FBLN1: variants seen among roughly 807,000 people sequenced by gnomAD.
FBLN1 encodes fibulin 1.
A neutral mutation model predicts 89.7 loss-of-function variants in FBLN1; 34 were observed. The ratio of observed to expected loss-of-function variants is 0.38; its 90% CI spans 0.29 to 0.50. FBLN1 has a LOEUF of 0.50. Ranked by LOEUF, FBLN1 falls within the 20% of genes least tolerant of loss-of-function variation. FBLN1 has a pLI of 0.92. For synonymous variants in FBLN1, 393 were observed against 391.3 expected, an observed-to-expected ratio of 1.00 and a Z score of -0.05; for missense variants, 777 against 988.1, an observed-to-expected ratio of 0.79 and a Z score of 2.86.
At chr22:45,594,047 A>G (rs371099531) in intron 16 of FBLN1, among the ~76,000 whole-genome samples, 12 of 152,204 alleles carry the variant, frequency 7.9e-5, no homozygotes, top group East Asian at 7.7e-4. Flanking sequence ...GAAGACTTCT[A>G]TGAAGCATTC....
At chr22:45,567,960 A>G (rs1384747531) in intron 14 of FBLN1, among the ~76,000 whole-genome samples, 1 of 152,106 alleles carries the variant, frequency 6.6e-6, no homozygotes, top group Non-Finnish European at 1.5e-5. Context: ...GGGAGGGAGG[A>G]AGGGGCTGGC....
chr22:45,568,416 T>C (rs1188140378), intron 14 of FBLN1, among the ~76,000 whole-genome samples: 1 of 147,094 alleles, frequency 6.8e-6, no homozygotes. Context: ...GGAGTGCTCT[T>C]TCTGTAGGGG....
rs761373665 is a variant in FBLN1, at chr22:45,600,414, G to A, written c.2080G>A (p.Val694Ile). 7.9e-5 allele frequency: 128 copies of A among 1,614,184 alleles called. No individual in the cohort carries two copies. The Middle Eastern group carries it at 9.9e-4, about 12-fold the overall frequency. The change falls in exon 17 of 17, where the codon GTC (valine) becomes ATC (isoleucine). Residue 694 changes from valine (V) to isoleucine (I), a missense_variant. Physicochemically the swap from Val to Ile is conservative, Grantham distance 29. Transcript: ENST00000327858. ...GVVSHRNVVN[V>I]HIFVSEYWF ...GGTCTCCCACCGAAATGTTGTCAAC[G>A]TCCACATCTTCGTCTCTGAGTACTG... is the stretch of plus-strand genomic sequence containing the variant.
rs2088847605 is a variant in FBLN1, at chr22:45,561,237, C to T, written c.1697+10622C>T. The stretch of plus-strand genomic sequence containing the variant: ...ATAAGAGCTTGTGTCTGTTTTTCCA[C>T]AATTTCAGCTCTTCCTCTACAGGAG... On this transcript the variant is annotated intron_variant, in intron 14 of 16. Transcript: ENST00000327858. The surrounding 1 kb of genome is among the most constrained non-coding windows in gnomAD (Gnocchi z 4.7). Among the ~76,000 whole-genome samples, 1 of 152,214 alleles carries T rather than the reference C, an allele frequency of 6.6e-6. No individual in the cohort carries two copies. The highest frequency in any genetic ancestry group is 2.1e-4 in the South Asian group (1 of 4,836).
At chr22:45,555,374 G>A (rs1215467340) in intron 14 of FBLN1, among the ~76,000 whole-genome samples, 2 of 151,340 alleles carry the variant, frequency 1.3e-5, no homozygotes, top group African/African-American at 4.9e-5. Flanking sequence ...CCCACAATAG[G>A]CCATCTCCAG....
At position 45,583,912 on chromosome 22, in the gene FBLN1, G is replaced by C. The variant is rs1239302343; in HGVS notation, c.1972+6804G>C. Among the ~76,000 whole-genome samples, 1 of 152,206 alleles carries C rather than the reference G, an allele frequency of 6.6e-6. No individual in the cohort carries two copies. The highest frequency in any genetic ancestry group is 2.4e-5 in the African/African-American group (1 of 41,448). On this transcript the variant is annotated intron_variant, in intron 16 of 16. Transcript: ENST00000327858. This position sits in a 1 kb window ranked among gnomAD's most constrained non-coding sequence, Gnocchi z 4.5. Reference sequence around the variant, plus strand: ...AATTCTAACTGGGGGGCTTGGAGCAGGCAGGAGTTCCCTGAGGTCATGCGG... The same window carrying C: ...AATTCTAACTGGGGGGCTTGGAGCACGCAGGAGTTCCCTGAGGTCATGCGG...
rs759407945 is a variant in FBLN1, at chr22:45,533,140, C to T, written c.622C>T (p.Leu208=). The change falls in exon 6 of 17, where the codon CTG becomes TTG. Residue 208 remains leucine (L), a synonymous_variant. Transcript: ENST00000327858. ...CTCCTGCTTCGTGGGCTACCAGCTG[C>T]TGTCTGATGGTGTCTCCTGTGAAGG... ...VCSCFVGYQL[L]SDGVSCEDVN... 1.2e-6 allele frequency: 2 copies of T among 1,614,100 alleles called. No homozygotes were observed. The highest frequency in any genetic ancestry group is 8.5e-7 in the Non-Finnish European group (1 of 1,179,924).
At position 45,503,051 on chromosome 22, in the gene FBLN1, G is replaced by T; in HGVS notation, c.66G>T (p.Leu22=). The T allele has an allele frequency of 8.0e-7, 1 of 1,248,238 alleles. No individual in the cohort carries two copies. The allele number at this position is 1,248,238 out of a possible 1,614,324, so 77.3% of individuals were successfully genotyped here. A position where few individuals can be genotyped will look rare whatever the true frequency, so the allele number is the denominator to read the frequency against. ...LPLLLLGGLA[L]LAAGVDADVL... is the part of the protein sequence containing the mutation. ...TGCTGCTGCTCGGCGGCCTTGCGCT[G>T]CTGGCGGCCGGAGGTAGGGGCGTCC... The change falls in exon 1 of 17, where the codon CTG becomes CTT. Residue 22 remains leucine (L), a synonymous_variant. Transcript: ENST00000327858.
chr22:45,578,693 C>T lies in FBLN1; in HGVS notation c.1972+1585C>T, dbSNP rs1036221924. The stretch of plus-strand genomic sequence containing the variant: ...CTGACACTGGCCCACAGCCGCCCCC[C>T]GCCCCAAAGGGGCCAGCCCTGTGCT... On this transcript the variant is annotated intron_variant, in intron 16 of 16. Coordinates refer to ENST00000327858, the MANE Select transcript of FBLN1 (RefSeq NM_006486.3). This position sits in a 1 kb window ranked among gnomAD's most constrained non-coding sequence, Gnocchi z 4.6. 2.6e-5 allele frequency among the ~76,000 whole-genome samples: 4 copies of T among 152,234 alleles called. No homozygotes were observed. Among genetic ancestry groups the T allele is most frequent in the African/African-American group, 7.2e-5 (3 of 41,474 alleles).
intron 2 of FBLN1, among the ~76,000 whole-genome samples, chr22:45,523,453 A>G (rs929700119): frequency 2.0e-5 from 3 of 152,162 alleles, no homozygotes; most frequent in African/African-American, 4.8e-5. Flanking sequence ...CTATAATCCC[A>G]CCACTTCGGG....
chr22:45,527,877 G>A lies in FBLN1; in HGVS notation c.352G>A (p.Ala118Thr). ...RCCHCCLLGR[A>T]AQAQGQSCEY... Reference sequence around the variant, plus strand: ...CTGCCATTGCTGTCTGCTGGGGAGGGCGGCCCAGGCCCAGGGCCAGAGCTG... The same window carrying A: ...CTGCCATTGCTGTCTGCTGGGGAGGACGGCCCAGGCCCAGGGCCAGAGCTG... Residue 118 changes from alanine (A) to threonine (T), a missense_variant, in exon 4 of 17, where the codon GCG becomes ACG. Physicochemically the swap from Ala to Thr is moderately conservative, Grantham distance 58 (BLOSUM62 0). Transcript: ENST00000327858. The A allele has an allele frequency of 6.2e-7, 1 of 1,614,096 alleles. No homozygotes were observed. The highest frequency in any genetic ancestry group is 1.1e-5 in the South Asian group (1 of 91,076).
At chr22:45,559,808 CA>C (rs1334664858) in intron 14 of FBLN1, among the ~76,000 whole-genome samples, 1 of 152,124 alleles carries the variant, frequency 6.6e-6, no homozygotes, top group Non-Finnish European at 1.5e-5. Flanking sequence ...GGTAAAAGGC[CA>C]GAGGTCTCTT....
intron 10 of FBLN1, among the ~76,000 whole-genome samples, chr22:45,542,617 C>T (rs1401352620): frequency 6.6e-6 from 1 of 152,210 alleles, no homozygotes; most frequent in African/African-American, 2.4e-5. Flanking sequence ...CACCGCTGAG[C>T]TGTAGATCCC....
At chr22:45,558,968 C>T (rs918837036) in intron 14 of FBLN1, among the ~76,000 whole-genome samples, 8 of 152,162 alleles carry the variant, frequency 5.3e-5, no homozygotes, top group South Asian at 2.1e-4. Flanking sequence ...AATGGACCAG[C>T]GTGATATCTT....
At chr22:45,513,849 A>G (rs887644504) in intron 1 of FBLN1, among the ~76,000 whole-genome samples, 1 of 152,036 alleles carries the variant, frequency 6.6e-6, no homozygotes, top group Non-Finnish European at 1.5e-5. Context: ...GCTGGAGTGC[A>G]GTGGCGTGAT....
chr22:45,532,254 G>C lies in FBLN1; in HGVS notation c.545-809G>C, dbSNP rs562706111. On this transcript the variant is annotated intron_variant, in intron 5 of 16. Coordinates refer to ENST00000327858, the MANE Select transcript of FBLN1 (RefSeq NM_006486.3). This position sits in a 1 kb window ranked among gnomAD's most constrained non-coding sequence, Gnocchi z 4.2. ...CCCAGCAAGCCTCAGGGCTATGGGA[G>C]GAGCTTTCTGGGGAGGGGAGAGCTG... 2.0e-5 allele frequency among the ~76,000 whole-genome samples: 3 copies of C among 152,246 alleles called. No individual in the cohort carries two copies. Among genetic ancestry groups the C allele is most frequent in the Admixed American group, 2.0e-4 (3 of 15,298 alleles).
chr22:45,576,720 CTG>C lies in FBLN1; in HGVS notation c.1841-253_1841-252del, dbSNP rs1175993987. ...TCACCAGCCCTTCCTCTGATTAGCT[CTG>C]TGTCCCCGAGGAAGATCCAAAATCT... On this transcript the variant is annotated intron_variant, in intron 15 of 16. Transcript: ENST00000327858. This position sits in a 1 kb window ranked among gnomAD's most constrained non-coding sequence, Gnocchi z 5.2. Among the ~76,000 whole-genome samples, 1 of 152,218 alleles carries C rather than the reference CTG, an allele frequency of 6.6e-6. No homozygotes were observed. The highest frequency in any genetic ancestry group is 1.5e-5 in the Non-Finnish European group (1 of 68,038).
Position 45,580,080 on chromosome 22 carries a change from C to G in FBLN1, c.1972+2972C>G, listed in dbSNP as rs1167396196. 6.6e-6 allele frequency among the ~76,000 whole-genome samples: 1 copy of G among 152,156 alleles called. No homozygotes were observed. Among genetic ancestry groups the G allele is most frequent in the Non-Finnish European group, 1.5e-5 (1 of 68,024 alleles). ...ACGGGTCATGATTGTCTCCCTTGGG[C>G]AAAGGAGGGAGCTGAGTTAAATGAC... On this transcript the variant is annotated intron_variant, in intron 16 of 16. Transcript: ENST00000327858. This position sits in a 1 kb window ranked among gnomAD's most constrained non-coding sequence, Gnocchi z 8.6.
At chr22:45,508,521 A>C (rs551434091) in intron 1 of FBLN1, among the ~76,000 whole-genome samples, 1 of 152,188 alleles carries the variant, frequency 6.6e-6, no homozygotes, top group Non-Finnish European at 1.5e-5. Context: ...TTGGCCTCCC[A>C]AAGTGCTGGA....
Sources: allele counts gnomAD v4.1 joint callset (sites outside exome capture counted in the v4.1 genomes callset), GRCh38; gene constraint gnomAD v4.1.1; non-coding constraint Gnocchi (gnomAD v3.1); transcripts MANE v1.5; gene names NCBI Gene and HGNC (gene_info 2026-07-23, HGNC 2026-07-21).